C19orf38: variants seen among roughly 807,000 people sequenced by gnomAD.
C19orf38 encodes the protein protein HIDE1.
A neutral mutation model predicts 26.6 loss-of-function variants in C19orf38; 14 were observed. The observed-to-expected ratio is 0.53, with a 90% CI of 0.35 to 0.82. C19orf38 has a LOEUF of 0.82. Among genes scored for constraint, C19orf38 ranks in the 40% least tolerant of loss-of-function variants. C19orf38 has a pLI of 0.01. For missense variants in C19orf38, 261 were observed against 299.5 expected (o/e 0.87, Z 0.95); for synonymous variants, 132 against 128.5 (o/e 1.03, Z -0.18).
At chr19:10,858,563 A>G (rs2073656031) in intron 4 of C19orf38, among the ~76,000 whole-genome samples, 1 of 152,162 alleles carries the variant, frequency 6.6e-6, no homozygotes, top group African/African-American at 2.4e-5. Flanking sequence ...CCCTGGAAAC[A>G]GGCACCATGA....
At chr19:10,845,686 T>C (rs978936071), upstream of C19orf38, among the ~76,000 whole-genome samples, 1 of 151,222 alleles carries the variant, frequency 6.6e-6, no homozygotes, top group Non-Finnish European at 1.5e-5. Flanking sequence ...GAGACCATCC[T>C]GGCTAACATG....
At chr19:10,867,086 G>A (rs947443990) in intron 6 of C19orf38, among the ~76,000 whole-genome samples, 6 of 151,296 alleles carry the variant, frequency 4.0e-5, no homozygotes. Context: ...CACCGTGCCC[G>A]GCCCAGAAAT....
At chr19:10,852,542 G>T (rs2073583397) in intron 2 of C19orf38, among the ~76,000 whole-genome samples, 1 of 152,208 alleles carries the variant, frequency 6.6e-6, no homozygotes, top group African/African-American at 2.4e-5. Flanking sequence ...CTCTGAGGAG[G>T]TGGCATTTGA....
Position 10,850,262 on chromosome 19 carries a change from C to A in C19orf38, c.35C>A (p.Ser12Tyr). Reference sequence around the variant, plus strand: ...CACCTTACCCTCTGCATTGCAGGCTCCTTGGCGATCCCAGCACCATCCATC... The same window carrying A: ...CACCTTACCCTCTGCATTGCAGGCTACTTGGCGATCCCAGCACCATCCATC... ...PWTILLFAAG[S>Y]LAIPAPSIRL... The change falls in exon 2 of 7, where the codon TCC becomes TAC. Residue 12 changes from serine to tyrosine, a missense_variant. Transcript: ENST00000397820. The A allele has an allele frequency of 6.5e-7, 1 of 1,549,560 alleles. No individual in the cohort carries two copies. The highest frequency in any genetic ancestry group is 8.7e-7 in the Non-Finnish European group (1 of 1,146,790).
At chr19:10,848,391 T>C, upstream of C19orf38, 1 of 1,145,106 alleles carries the variant, frequency 8.7e-7, no homozygotes, top group Non-Finnish European at 1.3e-6. Context: ...GAGGAAACTC[T>C]CAGCTCGAGA....
At position 10,850,532 on chromosome 19, in the gene C19orf38, C is replaced by T; in HGVS notation, c.305C>T (p.Ser102Leu). The change falls in exon 2 of 7, where the codon TCA becomes TTA. Residue 102 changes from serine to leucine, a missense_variant. Physicochemically the swap from Ser to Leu is moderately radical, Grantham distance 145. Coordinates refer to ENST00000397820, the MANE Select transcript of C19orf38 (RefSeq NM_001136482.3). ...VLGELNQSQLSDLSEPVNVSF... is the reference protein window; with the variant it reads ...VLGELNQSQLLDLSEPVNVSF... ...GGTGAGCTCAACCAGTCCCAGCTGT[C>T]AGACCTCAGCGAGCCCGTGAACGTC... 2 of 1,551,634 alleles carry T rather than the reference C, an allele frequency of 1.3e-6. No individual in the cohort carries two copies. The highest frequency in any genetic ancestry group is 1.7e-6 in the Non-Finnish European group (2 of 1,146,998).
At chr19:10,847,435 G>A (rs187479537), upstream of C19orf38, among the ~76,000 whole-genome samples, 185 of 148,186 alleles carry the variant, frequency 1.2e-3, 1 homozygote, top group African/African-American at 1.9e-3. Context: ...GTGCAATGGC[G>A]CGATCTCAAC....
At chr19:10,855,460 C>T (rs753218822) in intron 2 of C19orf38, among the ~76,000 whole-genome samples, 1 of 152,124 alleles carries the variant, frequency 6.6e-6, no homozygotes, top group Non-Finnish European at 1.5e-5. Flanking sequence ...GCCTCAGCCT[C>T]TGAAGTAGCT....
Position 10,864,428 on chromosome 19 carries a change from G to T in C19orf38, c.543+1221G>T, listed in dbSNP as rs1041297957. Among the ~76,000 whole-genome samples, 13 of 152,268 alleles carry T rather than the reference G, an allele frequency of 8.5e-5. No individual in the cohort carries two copies. In the South Asian group the frequency reaches 1.7e-3, roughly 19 times the overall value. On this transcript the variant is annotated intron_variant, in intron 6 of 6. Transcript: ENST00000397820. ...GGAAGATTGGGGATGATTGATCCAG[G>T]CTGAGGACACATTTTTGGCACAGCC...
At chr19:10,837,247 A>C (rs1407528819) in intron 1 of C19orf38, among the ~76,000 whole-genome samples, 2 of 152,188 alleles carry the variant, frequency 1.3e-5, no homozygotes, top group African/African-American at 4.8e-5. Context: ...GTACAGGGAG[A>C]TGTTTAGTCT....
At chr19:10,846,558 T>C (rs2073519939), upstream of C19orf38, among the ~76,000 whole-genome samples, 1 of 150,778 alleles carries the variant, frequency 6.6e-6, no homozygotes, top group Non-Finnish European at 1.5e-5. Flanking sequence ...AAATAGAAAA[T>C]AAAACAACAA....
At chr19:10,848,411 G>A, upstream of C19orf38, 9 of 1,328,368 alleles carry the variant, frequency 6.8e-6, no homozygotes, top group South Asian at 1.1e-4. Context: ...AATCAGCCCT[G>A]GTTCTCCTTT....
chr19:10,840,229 A>G (rs1424280980), intron 1 of C19orf38, among the ~76,000 whole-genome samples: 2 of 152,252 alleles, frequency 1.3e-5, no homozygotes, highest in Non-Finnish European at 2.9e-5. Context: ...AGTGTTTTCC[A>G]CAGTGGCTGT....
chr19:10,850,600 G>C, intron 2 of C19orf38, 33 bp downstream of exon 2: 1 of 1,547,306 alleles, frequency 6.5e-7, no homozygotes, highest in Non-Finnish European at 8.7e-7. Context: ...CACTGCCGGG[G>C]GCTTAATTTT....
At chr19:10,862,125 C>A (rs2073704464) in intron 5 of C19orf38, among the ~76,000 whole-genome samples, 1 of 151,220 alleles carries the variant, frequency 6.6e-6, no homozygotes, top group South Asian at 2.1e-4. Context: ...TGGTCTCGAT[C>A]TCCTGACCTC....
upstream of C19orf38, among the ~76,000 whole-genome samples, chr19:10,843,438 G>A (rs2073493578): frequency 6.6e-6 from 1 of 152,210 alleles, no homozygotes; most frequent in African/African-American, 2.4e-5. Flanking sequence ...TGCTGTAGCT[G>A]GGTTGAGCCC....
chr19:10,860,558 A>G (rs997569695), intron 5 of C19orf38, among the ~76,000 whole-genome samples: 1 of 141,846 alleles, frequency 7.0e-6, no homozygotes, highest in Non-Finnish European at 1.5e-5. Context: ...AAAAAAAAAA[A>G]AGGCCAGGCG....
At chr19:10,860,665 C>A (rs974160400) in intron 5 of C19orf38, among the ~76,000 whole-genome samples, 7 of 147,120 alleles carry the variant, frequency 4.8e-5, no homozygotes, top group Non-Finnish European at 8.9e-5. Context: ...AACAGTGAAA[C>A]CCCATCTCTA....
intron 2 of C19orf38, among the ~76,000 whole-genome samples, chr19:10,852,177 C>A (rs1186461621): frequency 2.0e-5 from 3 of 151,710 alleles, no homozygotes; most frequent in Non-Finnish European, 4.4e-5. Context: ...ATTGACCAGG[C>A]TAGTCTTGAA....
Sources: gnomAD v4.1 joint callset for allele counts (sites outside exome capture counted in the v4.1 genomes callset) on GRCh38, gnomAD v4.1.1 for gene constraint, MANE v1.5 for transcripts, NCBI Gene and HGNC (gene_info 2026-07-23, HGNC 2026-07-21) for gene names.